Variants in MALRD1 observed in about 807,000 individuals in gnomAD.
The protein encoded by MALRD1 is MAM and LDL-receptor class A domain-containing protein 1.
A neutral mutation model predicts 242.1 loss-of-function variants in MALRD1; 247 were observed. That is an observed-to-expected ratio of 1.02 (90% CI 0.92 to 1.13). The LOEUF is 1.13. Among genes scored for constraint, MALRD1 ranks in the 50% most tolerant of loss-of-function variants. The probability of loss-of-function intolerance (pLI) is 0.00; values close to 1 mark genes in which losing one functional copy is unlikely to be tolerated. For synonymous variants in MALRD1, 995 were observed against 866.6 expected, an observed-to-expected ratio of 1.15 and a Z score of -2.60; for missense variants, 2,989 against 2,533.1, an observed-to-expected ratio of 1.18 and a Z score of -3.86.
At chr10:19,469,177 G>C (rs1293520088) in intron 29 of MALRD1, among the ~76,000 whole-genome samples, 1 of 152,014 alleles carries the variant, frequency 6.6e-6, no homozygotes, top group Non-Finnish European at 1.5e-5. Flanking sequence ...ACACATAAAA[G>C]AGTATTTTTA....
rs1403613899 is a variant in MALRD1, at chr10:19,352,217, T to G, written c.4361T>G (p.Leu1454Arg). The change falls in exon 26 of 40, where the codon CTT (leucine) becomes CGT (arginine). Residue 1454 changes from leucine (L) to arginine (R), a missense_variant. Leu to Arg is a moderately radical substitution (Grantham distance 102). Coordinates refer to ENST00000454679, the MANE Select transcript of MALRD1 (RefSeq NM_001142308.3). ...VGKGQRGDIA[L>R]DDIVLTENCL... Reference sequence around the variant, plus strand: ...AAAGGTCAGCGTGGAGACATTGCACTTGATGACATTGTGCTTACAGAAAAT... The same window carrying G: ...AAAGGTCAGCGTGGAGACATTGCACGTGATGACATTGTGCTTACAGAAAAT... The G allele has an allele frequency of 1.3e-6, 2 of 1,550,432 alleles. No homozygotes were observed. Among genetic ancestry groups the G allele is most frequent in the South Asian group, 1.2e-5 (1 of 84,060 alleles).
At chr10:19,441,534 G>A (rs958467066) in intron 28 of MALRD1, among the ~76,000 whole-genome samples, 1 of 152,168 alleles carries the variant, frequency 6.6e-6, no homozygotes, top group Non-Finnish European at 1.5e-5. Context: ...GTGAGGAAGG[G>A]CTCCACTTTC....
At chr10:19,585,214 A>C (rs1837327707) in intron 33 of MALRD1, among the ~76,000 whole-genome samples, 2 of 151,942 alleles carry the variant, frequency 1.3e-5, no homozygotes, top group African/African-American at 4.8e-5. Flanking sequence ...TGGAGCATTT[A>C]GTCCATTTAC....
intron 4 of MALRD1, among the ~76,000 whole-genome samples, chr10:19,101,179 G>A (rs371559989): frequency 1.3e-5 from 2 of 150,454 alleles, no homozygotes; most frequent in East Asian, 1.9e-4. Context: ...TGTTAAATAA[G>A]TTCTCCAAGG....
In MALRD1 at chr10:19,190,237, A is replaced by G. The variant is rs182938100; in HGVS notation, c.1952-13491A>G. Among the ~76,000 whole-genome samples the G allele has an allele frequency of 1.4e-4, 22 of 152,172 alleles. No individual in the cohort carries two copies. In the East Asian group the frequency reaches 4.2e-3, roughly 29 times the overall value. On this transcript the variant is annotated intron_variant, in intron 14 of 39. Transcript: ENST00000454679. ...GAAAAAAGAATAAAAGTCTTTAGGA[A>G]TTAATCAAGATGGTGAAAGACTTGT...
rs199784278 is a variant in MALRD1, at chr10:19,298,931, G to GA, written c.3419+15759dup. Among the ~76,000 whole-genome samples the GA allele has an allele frequency of 1.9e-4, 28 of 149,944 alleles. No homozygotes were observed. The South Asian group carries it at 1.9e-3, about 10-fold the overall frequency. ...GTAGTTCCAGGCACAATGTATCAGA[G>GA]AAAAAAAAATCAAAACTAGAATTCT... On this transcript the variant is annotated intron_variant, in intron 21 of 39. Coordinates refer to ENST00000454679, the MANE Select transcript of MALRD1 (RefSeq NM_001142308.3).
chr10:19,233,802 T>C (rs1029926669), intron 18 of MALRD1, among the ~76,000 whole-genome samples: 2 of 152,038 alleles, frequency 1.3e-5, no homozygotes, highest in Admixed American at 1.3e-4. Flanking sequence ...AATTAGGTTA[T>C]ATTCCAACAT....
Position 19,333,075 on chromosome 10 carries a change from A to C in MALRD1, c.3901+1493A>C, listed in dbSNP as rs77991274. 7.8e-3 allele frequency among the ~76,000 whole-genome samples: 1,180 copies of C among 151,936 alleles called. 15 individuals carry two copies. The highest frequency in any genetic ancestry group is 9.6e-3 in the Non-Finnish European group (652 of 67,974). ...CCCCTCCCTTTGTCCATGTGTTCTCATTAGAACTCAAGTATTTTGATTTAT... is the reference window on the plus strand; with the variant it reads ...CCCCTCCCTTTGTCCATGTGTTCTCCTTAGAACTCAAGTATTTTGATTTAT... On this transcript the variant is annotated intron_variant, in intron 24 of 39. Coordinates refer to ENST00000454679, the MANE Select transcript of MALRD1 (RefSeq NM_001142308.3).
At chr10:19,705,272 T>G (rs1167322106) in intron 38 of MALRD1, among the ~76,000 whole-genome samples, 1 of 152,122 alleles carries the variant, frequency 6.6e-6, no homozygotes, top group African/African-American at 2.4e-5. Context: ...ATCAAAATCT[T>G]GCTTACTCTA....
At chr10:19,168,187 A>C (rs930574016) in intron 13 of MALRD1, among the ~76,000 whole-genome samples, 1 of 152,204 alleles carries the variant, frequency 6.6e-6, no homozygotes, top group South Asian at 2.1e-4. Context: ...TTCTATTCTC[A>C]TATTTAATGG....
chr10:19,204,957 C>G lies in MALRD1; in HGVS notation c.2270C>G (p.Ser757Cys). ...GAGCTGCAGCTACATATGGAAAATTCTCATGACTCAACAGTGATTTGGAGA... is the reference window on the plus strand; with the variant it reads ...GAGCTGCAGCTACATATGGAAAATTGTCATGACTCAACAGTGATTTGGAGA... ...AAELQLHMEN[S>C]HDSTVIWRVL... The change falls in exon 17 of 40, where the codon TCT becomes TGT. Residue 757 changes from serine to cysteine, a missense_variant. Ser to Cys is a moderately radical substitution (Grantham distance 112). Coordinates refer to ENST00000454679, the MANE Select transcript of MALRD1 (RefSeq NM_001142308.3). 6.4e-7 allele frequency: 1 copy of G among 1,550,558 alleles called. No homozygotes were observed. Among genetic ancestry groups the G allele is most frequent in the Non-Finnish European group, 8.7e-7 (1 of 1,146,892 alleles).
intron 31 of MALRD1, among the ~76,000 whole-genome samples, chr10:19,520,237 T>C (rs1048943764): frequency 6.6e-6 from 1 of 152,050 alleles, no homozygotes; most frequent in Admixed American, 6.6e-5. Context: ...TGTCCTTTAA[T>C]GTGGATTTCT....
At chr10:19,714,133 C>T (rs1363632048) in intron 38 of MALRD1, among the ~76,000 whole-genome samples, 4 of 152,182 alleles carry the variant, frequency 2.6e-5, no homozygotes, top group Non-Finnish European at 4.4e-5. Flanking sequence ...TGCCTCATGG[C>T]AAAGACAGAG....
chr10:19,544,811 C>T (rs1305406662), intron 32 of MALRD1, among the ~76,000 whole-genome samples: 2 of 152,016 alleles, frequency 1.3e-5, no homozygotes, highest in African/African-American at 4.8e-5. Flanking sequence ...TTCAGTTTTT[C>T]AATTCACAGT....
chr10:19,496,587 T>A (rs1837730495), intron 30 of MALRD1, among the ~76,000 whole-genome samples: 1 of 152,130 alleles, frequency 6.6e-6, no homozygotes. Context: ...TAGCACCAAA[T>A]GCCCACATCA....
At position 19,272,674 on chromosome 10, in the gene MALRD1, C is replaced by A. The variant is rs555171632; in HGVS notation, c.3080-7373C>A. 2.0e-5 allele frequency among the ~76,000 whole-genome samples: 3 copies of A among 152,176 alleles called. No individual in the cohort carries two copies. The South Asian group carries it at 6.2e-4, about 32-fold the overall frequency. On this transcript the variant is annotated intron_variant, in intron 19 of 39. Transcript: ENST00000454679. Reference sequence around the variant, plus strand: ...CATTAGGTATTTGTCCTAATGCTATCCCTCCCCTTGCCCTCCACCCACCAC... The same window carrying A: ...CATTAGGTATTTGTCCTAATGCTATACCTCCCCTTGCCCTCCACCCACCAC...
chr10:19,173,302 C>T (rs189620180), intron 13 of MALRD1, among the ~76,000 whole-genome samples: 39 of 151,942 alleles, frequency 2.6e-4, no homozygotes, highest in African/African-American at 8.4e-4. Context: ...TGACACATGG[C>T]GATAGATATT....
chr10:19,224,431 T>G (rs1837698898), intron 18 of MALRD1, among the ~76,000 whole-genome samples: 4 of 151,954 alleles, frequency 2.6e-5, no homozygotes, highest in Admixed American at 2.6e-4. Flanking sequence ...GGATTACAGG[T>G]ATATGCCACC....
chr10:19,580,050 T>A (rs574967462), intron 33 of MALRD1, among the ~76,000 whole-genome samples: 46 of 152,278 alleles, frequency 3.0e-4, no homozygotes, highest in African/African-American at 1.1e-3. Flanking sequence ...TAGCACCGTA[T>A]GGAAATGATT....
Sources: allele counts gnomAD v4.1 joint callset (sites outside exome capture counted in the v4.1 genomes callset), GRCh38; gene constraint gnomAD v4.1.1; transcripts MANE v1.5; gene names NCBI Gene and HGNC (gene_info 2026-07-23, HGNC 2026-07-21).